Variants in GALNT7 observed in about 807,000 individuals in gnomAD.
GALNT7 encodes the protein polypeptide N-acetylgalactosaminyltransferase 7, also known as N-acetylgalactosaminyltransferase 7.
In GALNT7, 60 loss-of-function variants were observed where a neutral mutation model predicts 82.1. That is an observed-to-expected ratio of 0.73 (90% CI 0.59 to 0.91). GALNT7 has a LOEUF of 0.91. Among genes scored for constraint, GALNT7 ranks in the 40% least tolerant of loss-of-function variants. The probability of loss-of-function intolerance (pLI) is 0.00; values close to 1 mark genes in which losing one functional copy is unlikely to be tolerated. For missense variants in GALNT7, 660 were observed against 804.2 expected, an observed-to-expected ratio of 0.82 and a Z score of 2.17; for synonymous variants, 243 against 275.1, an observed-to-expected ratio of 0.88 and a Z score of 1.15.
At chr4:173,203,416 C>G (rs987726122) in intron 1 of GALNT7, among the ~76,000 whole-genome samples, 1 of 152,196 alleles carries the variant, frequency 6.6e-6, no homozygotes, top group Non-Finnish European at 1.5e-5. Context: ...ATCCATTCAA[C>G]CACTGTGTAT....
chr4:173,279,667 A>G (rs1307372998), intron 2 of GALNT7, among the ~76,000 whole-genome samples: 1 of 152,168 alleles, frequency 6.6e-6, no homozygotes, highest in Non-Finnish European at 1.5e-5. Context: ...AAAGGTCCTC[A>G]ATTTATTATA....
chr4:173,208,422 C>T (rs928132284), intron 1 of GALNT7, among the ~76,000 whole-genome samples: 7 of 152,174 alleles, frequency 4.6e-5, no homozygotes, highest in Non-Finnish European at 1.5e-5. Context: ...ATCCTTATGA[C>T]TTGAAGTAAC....
chr4:173,276,417 C>A (rs556182874), intron 2 of GALNT7, among the ~76,000 whole-genome samples: 14 of 152,002 alleles, frequency 9.2e-5, no homozygotes, highest in African/African-American at 2.2e-4. Context: ...CTTAGAGTCT[C>A]TATTAGCCAA....
At chr4:173,311,474 C>T (rs555181954) in intron 8 of GALNT7, among the ~76,000 whole-genome samples, 10 of 152,272 alleles carry the variant, frequency 6.6e-5, no homozygotes, top group Admixed American at 1.3e-4. Flanking sequence ...TGGCAGCTTC[C>T]GCTTCTAAGA....
At chr4:173,186,282 T>G (rs1732458432) in intron 1 of GALNT7, among the ~76,000 whole-genome samples, 1 of 152,218 alleles carries the variant, frequency 6.6e-6, no homozygotes, top group African/African-American at 2.4e-5. Context: ...AGCTGGCGGA[T>G]TAAAAATAAA....
At chr4:173,303,784 G>C (rs907452416) in intron 7 of GALNT7, among the ~76,000 whole-genome samples, 1 of 152,210 alleles carries the variant, frequency 6.6e-6, no homozygotes, top group Admixed American at 6.5e-5. Flanking sequence ...CCCCTTAGTA[G>C]CAGTTTATTA....
intron 9 of GALNT7, chr4:173,316,717 T>C (rs1370629186): frequency 6.6e-6 from 1 of 152,258 alleles, no homozygotes; most frequent in South Asian, 2.1e-4. Context: ...TATCTTCAGT[T>C]TAACCTCTTC....
chr4:173,178,038 TG>T (rs1732112437), intron 1 of GALNT7, among the ~76,000 whole-genome samples: 1 of 118,638 alleles, frequency 8.4e-6, no homozygotes, highest in Non-Finnish European at 1.7e-5. Flanking sequence ...TGTGTGTGTG[TG>T]TGTGTGTGTG....
chr4:173,301,938 T>G (rs1471376629), intron 6 of GALNT7, 109 bp from the exon 7 acceptor site: 1 of 625,854 alleles, frequency 1.6e-6, no homozygotes, highest in Non-Finnish European at 2.9e-6. Context: ...CCATCAGTTT[T>G]GTCTCTTCTA....
chr4:173,291,228 T>A (rs938540703), intron 2 of GALNT7, among the ~76,000 whole-genome samples: 1 of 152,202 alleles, frequency 6.6e-6, no homozygotes, highest in East Asian at 1.9e-4. Context: ...TGAGTCCCCA[T>A]CTGGGTTATA....
intron 1 of GALNT7, among the ~76,000 whole-genome samples, chr4:173,172,801 C>A (rs1233741372): frequency 6.6e-6 from 1 of 152,126 alleles, no homozygotes; most frequent in Non-Finnish European, 1.5e-5. Flanking sequence ...ATTGTTGGAA[C>A]GTGGAGAATG....
At chr4:173,301,468 C>T (rs1736932919) in intron 6 of GALNT7, among the ~76,000 whole-genome samples, 1 of 152,198 alleles carries the variant, frequency 6.6e-6, no homozygotes, top group South Asian at 2.1e-4. Flanking sequence ...CTTTTGCATT[C>T]CTACCTCCTG....
intron 2 of GALNT7, among the ~76,000 whole-genome samples, chr4:173,280,594 T>C (rs776167853): frequency 2.6e-5 from 4 of 152,208 alleles, no homozygotes; most frequent in Non-Finnish European, 4.4e-5. Context: ...ATCAGAGCAG[T>C]TCTACAATGT....
At chr4:173,188,322 A>G (rs190666041) in intron 1 of GALNT7, among the ~76,000 whole-genome samples, 1 of 152,342 alleles carries the variant, frequency 6.6e-6, no homozygotes, top group East Asian at 1.9e-4. Flanking sequence ...GGTGGGATTC[A>G]GTACCACCAA....
At chr4:173,305,703 C>T (rs1737131402) in intron 8 of GALNT7, among the ~76,000 whole-genome samples, 1 of 151,952 alleles carries the variant, frequency 6.6e-6, no homozygotes, top group South Asian at 2.1e-4. Context: ...ATCAATTGAC[C>T]ATAAATGCGT....
chr4:173,259,880 C>T (rs1050913109), intron 2 of GALNT7, among the ~76,000 whole-genome samples: 1 of 152,146 alleles, frequency 6.6e-6, no homozygotes, highest in Admixed American at 6.5e-5. Context: ...TCAGGTGATC[C>T]ACCCACCTCA....
chr4:173,276,127 A>G (rs6834063), intron 2 of GALNT7, among the ~76,000 whole-genome samples: 4,257 of 152,266 alleles, frequency 0.028, 173 homozygotes, highest in African/African-American at 0.084. Context: ...CCTTTTCATT[A>G]ATATTTAATT....
At chr4:173,241,790 T>C (rs376149078) in intron 1 of GALNT7, among the ~76,000 whole-genome samples, 12 of 152,140 alleles carry the variant, frequency 7.9e-5, no homozygotes, top group African/African-American at 2.9e-4. Flanking sequence ...TATTATATAT[T>C]TTGCTTGTTT....
intron 1 of GALNT7, among the ~76,000 whole-genome samples, chr4:173,187,052 G>A (rs888424153): frequency 5.3e-5 from 8 of 151,894 alleles, no homozygotes; most frequent in Middle Eastern, 3.2e-3. Context: ...CACCGCACCC[G>A]GCCTACTTAC....
Sources: allele counts gnomAD v4.1 joint callset (sites outside exome capture counted in the v4.1 genomes callset), GRCh38; gene constraint gnomAD v4.1.1; transcripts MANE v1.5; gene names NCBI Gene and HGNC (gene_info 2026-07-23, HGNC 2026-07-21).